USH1C: variants seen among roughly 807,000 people sequenced by gnomAD.
USH1C encodes the protein harmonin.
In USH1C, 90 loss-of-function variants were observed where a neutral mutation model predicts 119.3. That is an observed-to-expected ratio of 0.75 (90% confidence interval 0.64 to 0.90). USH1C has a LOEUF of 0.90. USH1C is among the 40% of genes least tolerant of loss of function. USH1C has a pLI of 0.00. For missense variants in USH1C, 1,165 were observed against 1,167.7 expected (o/e 1.00, Z 0.03); for synonymous variants, 465 against 443.3 (o/e 1.05, Z -0.62).
intron 20 of USH1C, among the ~76,000 whole-genome samples, chr11:17,503,644 T>A (rs969705110): frequency 1.3e-5 from 2 of 152,220 alleles, no homozygotes; most frequent in Admixed American, 6.5e-5. Context: ...GCCTCTTGTG[T>A]GACGACAGTG....
chr11:17,507,032 A>AC (rs1011023912), intron 18 of USH1C, among the ~76,000 whole-genome samples: 4 of 150,724 alleles, frequency 2.7e-5, no homozygotes, highest in African/African-American at 9.8e-5. Context: ...GGCCCTGAAA[A>AC]CCCCCCTATG....
chr11:17,495,204 T>C, intron 26 of USH1C: 1 of 331,374 alleles, frequency 3.0e-6, no homozygotes, highest in Non-Finnish European at 5.8e-6. Flanking sequence ...TGTGGGCTCC[T>C]TCAGCCCCAC....
At chr11:17,523,160 G>A (rs1850494638) in intron 11 of USH1C, 51 bp downstream of exon 11, 1 of 1,612,684 alleles carries the variant, frequency 6.2e-7, no homozygotes, top group African/African-American at 1.3e-5. Flanking sequence ...AAAGGTCAGA[G>A]GGGCTGGGGA....
chr11:17,523,532 C>A (rs941744300), intron 9 of USH1C, 54 bp from the exon 10 acceptor site: 8 of 1,589,062 alleles, frequency 5.0e-6, no homozygotes, highest in Non-Finnish European at 6.0e-6. Flanking sequence ...TACACTCGCT[C>A]ATCTGCAGGA....
intron 9 of USH1C, 49 bp from the exon 10 acceptor site, chr11:17,523,527 T>C (rs201761721): frequency 6.3e-7 from 1 of 1,597,216 alleles, no homozygotes; most frequent in African/African-American, 1.3e-5. Context: ...ATCTGTACAC[T>C]CGCTCATCTG....
In USH1C at chr11:17,531,653, G is replaced by A; in HGVS notation, c.105-111C>T. On this transcript the variant is annotated intron_variant, in intron 2 of 26. Coordinates refer to ENST00000005226, the MANE Select transcript of USH1C (RefSeq NM_153676.4). The surrounding 1 kb of genome is among the most constrained non-coding windows in gnomAD (Gnocchi z 4.2). ...CACTGGGCCCAGGCTTAGGAATGGAGTAGACCACTCCTGAAAAGCCCAGAG... is the reference window on the plus strand; with the variant it reads ...CACTGGGCCCAGGCTTAGGAATGGAATAGACCACTCCTGAAAAGCCCAGAG... 7.1e-7 allele frequency: 1 copy of A among 1,405,144 alleles called. No individual in the cohort carries two copies. Among genetic ancestry groups the A allele is most frequent in the Admixed American group, 1.9e-5 (1 of 51,752 alleles). The allele number at this position is 1,405,144 out of a possible 1,614,324, so 87.0% of individuals were successfully genotyped here.
chr11:17,516,123 C>T, intron 15 of USH1C, 118 bp downstream of exon 15: 1 of 1,162,966 alleles, frequency 8.6e-7, no homozygotes. Context: ...AGTTAGCCTT[C>T]CAAGTGAACA....
chr11:17,518,783 G>C lies in USH1C; in HGVS notation c.1210+2087C>G, dbSNP rs1044711121. ...GCCTGTAATCCCAGCACTTTGGGAGGTGGAGACGGGCAGATCACCTGAGGC... is the reference window on the plus strand; with the variant it reads ...GCCTGTAATCCCAGCACTTTGGGAGCTGGAGACGGGCAGATCACCTGAGGC... On this transcript the variant is annotated intron_variant, in intron 14 of 26. Coordinates refer to ENST00000005226, the MANE Select transcript of USH1C (RefSeq NM_153676.4). Among the ~76,000 whole-genome samples the C allele has an allele frequency of 9.2e-5, 14 of 152,202 alleles. No homozygotes were observed. In the East Asian group the frequency reaches 2.7e-3, roughly 29 times the overall value.
intron 1 of USH1C, among the ~76,000 whole-genome samples, chr11:17,534,809 G>A (rs1439672707): frequency 1.3e-5 from 2 of 151,112 alleles, no homozygotes; most frequent in Non-Finnish European, 2.9e-5. Context: ...GGGAGGCGGA[G>A]GTTGCAGTGA....
intron 14 of USH1C, among the ~76,000 whole-genome samples, chr11:17,518,034 A>G (rs1591993909): frequency 6.6e-6 from 1 of 152,210 alleles, no homozygotes; most frequent in East Asian, 1.9e-4. Context: ...GAGAAGAGCA[A>G]ACCCTCCATT....
chr11:17,534,739 T>G (rs1221617760), intron 1 of USH1C, among the ~76,000 whole-genome samples: 3 of 152,102 alleles, frequency 2.0e-5, no homozygotes, highest in African/African-American at 7.2e-5. Context: ...CTGGGCGTAG[T>G]GGTATGCCCC....
chr11:17,521,271 C>A, intron 13 of USH1C, 75 bp downstream of exon 13: 1 of 1,508,302 alleles, frequency 6.6e-7, no homozygotes, highest in Non-Finnish European at 9.2e-7. Context: ...GTTCTGGAGG[C>A]AGCCTCTGGT....
intron 26 of USH1C, chr11:17,494,684 A>G (rs1591950490): frequency 2.2e-6 from 1 of 455,034 alleles, no homozygotes; most frequent in East Asian, 4.3e-5. Flanking sequence ...AGGCCACCCC[A>G]GAAGCCATGG....
chr11:17,520,893 G>T lies in USH1C; in HGVS notation c.1187C>A (p.Pro396Gln), dbSNP rs781424965. 2 of 1,613,960 alleles carry T rather than the reference G, an allele frequency of 1.2e-6. No individual in the cohort carries two copies. The highest frequency in any genetic ancestry group is 1.7e-6 in the Non-Finnish European group (2 of 1,179,952). Residue 396 changes from proline to glutamine, a missense_variant, in exon 14 of 27, where the codon CCA becomes CAA. By Grantham distance (76) the Pro-to-Gln change is moderately conservative. Coordinates refer to ENST00000005226, the MANE Select transcript of USH1C (RefSeq NM_153676.4). ...ACACTTTGGCTTGCGAAGGGGTACT[G>T]GGTGTACCTCAGCAGTGATGGTTTT... ...LPKTITAEVH[P>Q]VPLRKPKSFG...
rs568609719 is a variant in USH1C at position 17,504,209 on chromosome 11, G to T, written c.2184+438C>A. On this transcript the variant is annotated intron_variant, in intron 20 of 26. Coordinates refer to ENST00000005226, the MANE Select transcript of USH1C (RefSeq NM_153676.4). ...AGCCACCACCTCCTCCCTGACGCTG[G>T]TTCAGTGTCAGGCAGGGTTGGTGAA... Among the ~76,000 whole-genome samples, 5 of 152,306 alleles carry T rather than the reference G, an allele frequency of 3.3e-5. No homozygotes were observed. The East Asian group carries it at 9.7e-4, about 29-fold the overall frequency.
chr11:17,519,579 C>G (rs1850321770), intron 14 of USH1C, among the ~76,000 whole-genome samples: 1 of 152,222 alleles, frequency 6.6e-6, no homozygotes, highest in Non-Finnish European at 1.5e-5. Flanking sequence ...CGATTTCTCT[C>G]CTGAAGCTCC....
intron 1 of USH1C, among the ~76,000 whole-genome samples, chr11:17,542,554 G>A (rs1224514520): frequency 6.6e-6 from 1 of 152,240 alleles, no homozygotes; most frequent in Admixed American, 6.5e-5. Context: ...GCCCTTTGGA[G>A]CCTGTGGGAC....
intron 14 of USH1C, among the ~76,000 whole-genome samples, chr11:17,517,144 C>T (rs564731212): frequency 6.6e-6 from 1 of 152,244 alleles, no homozygotes; most frequent in Non-Finnish European, 1.5e-5. Flanking sequence ...GGGAATTTGG[C>T]AATATCTAAA....
intron 1 of USH1C, among the ~76,000 whole-genome samples, chr11:17,538,345 C>A (rs535662554): frequency 6.6e-6 from 1 of 152,144 alleles, no homozygotes; most frequent in Non-Finnish European, 1.5e-5. Context: ...GAGGCAAAAG[C>A]TGGGTTTGGC....
Sources: gnomAD v4.1 joint callset for allele counts (sites outside exome capture counted in the v4.1 genomes callset) on GRCh38, gnomAD v4.1.1 for gene constraint, Gnocchi (gnomAD v3.1) non-coding constraint, MANE v1.5 for transcripts, NCBI Gene and HGNC (gene_info 2026-07-23, HGNC 2026-07-21) for gene names.